Variants in EPC1 observed in about 807,000 individuals in gnomAD.
EPC1 encodes enhancer of polycomb 1, also known as enhancer of polycomb homolog 1.
EPC1 carries 12 observed loss-of-function variants against 98.4 expected under a neutral mutation model. The observed-to-expected ratio is 0.12, with a 90% confidence interval of 0.08 to 0.20. EPC1 has a LOEUF of 0.20. Ranked by LOEUF, EPC1 falls within the 10% of genes least tolerant of loss-of-function variation. The pLI, the probability that EPC1 is intolerant of heterozygous loss-of-function variation, is 1.00. For missense variants in EPC1, 729 were observed against 990.5 expected, an observed-to-expected ratio of 0.74 and a Z score of 3.54; for synonymous variants, 357 against 363.9, an observed-to-expected ratio of 0.98 and a Z score of 0.21.
chr10:32,326,275 T>A (rs1242921792), intron 1 of EPC1, among the ~76,000 whole-genome samples: 1 of 152,168 alleles, frequency 6.6e-6, no homozygotes, highest in Non-Finnish European at 1.5e-5. Flanking sequence ...GTTAGGTGCC[T>A]AATTCTGGCC....
At chr10:32,343,706 G>T (rs1360988606) in intron 1 of EPC1, among the ~76,000 whole-genome samples, 2 of 147,658 alleles carry the variant, frequency 1.4e-5, no homozygotes, top group Non-Finnish European at 3.0e-5. Flanking sequence ...GGGGGGGGGT[G>T]TAAGGGCTTC....
intron 1 of EPC1, among the ~76,000 whole-genome samples, chr10:32,322,428 G>A (rs1044816078): frequency 6.6e-6 from 1 of 152,116 alleles, no homozygotes; most frequent in Non-Finnish European, 1.5e-5. Context: ...AAAGAAGTCA[G>A]AAGATAACTA....
intron 1 of EPC1, among the ~76,000 whole-genome samples, chr10:32,346,217 G>A (rs1340822401): frequency 6.6e-6 from 1 of 152,210 alleles, no homozygotes; most frequent in Non-Finnish European, 1.5e-5. Context: ...GGCTCCACGT[G>A]GGGGCTGCAC....
chr10:32,282,542 T>C (rs927305172), intron 10 of EPC1: 1 of 152,062 alleles, frequency 6.6e-6, no homozygotes, highest in African/African-American at 2.4e-5. Flanking sequence ...AATAGTTGTA[T>C]CGCATATATG....
At chr10:32,347,314 C>T (rs575367225), upstream of EPC1, 32 of 579,484 alleles carry the variant, frequency 5.5e-5, no homozygotes, top group South Asian at 2.2e-3. Context: ...TCCCGCGCCT[C>T]GCTGCTCCGG....
At chr10:32,359,076 C>T (rs1839366180) in intron 1 of EPC1, among the ~76,000 whole-genome samples, 1 of 152,160 alleles carries the variant, frequency 6.6e-6, no homozygotes, top group Non-Finnish European at 1.5e-5. Context: ...TTTCTGTACA[C>T]TGTTAATTAT....
intron 1 of EPC1, among the ~76,000 whole-genome samples, chr10:32,341,112 A>G (rs1838315201): frequency 6.6e-6 from 1 of 152,208 alleles, no homozygotes; most frequent in African/African-American, 2.4e-5. Context: ...TCTTCTTCTA[A>G]GAAGTACAAT....
chr10:32,274,765 AAAAAT>A (rs1327310200), intron 10 of EPC1, among the ~76,000 whole-genome samples: 1 of 152,210 alleles, frequency 6.6e-6, no homozygotes, highest in African/African-American at 2.4e-5. Context: ...ATATTGACAT[AAAAAT>A]AACTGTCAAC....
chr10:32,313,981 G>A lies in EPC1; in HGVS notation c.154-8050C>T, dbSNP rs762965466. Among the ~76,000 whole-genome samples the A allele has an allele frequency of 2.0e-5, 3 of 151,872 alleles. No homozygotes were observed. In the East Asian group the frequency reaches 5.8e-4, roughly 29 times the overall value. ...CTTACTATTTATAACATGCTGGATG[G>A]GTAAAATTTCTTTAATTATAAAATA... is the stretch of plus-strand genomic sequence containing the variant. On this transcript the variant is annotated intron_variant, in intron 1 of 13. Transcript: ENST00000319778.
chr10:32,365,148 T>A (rs1839563424), intron 1 of EPC1, among the ~76,000 whole-genome samples: 1 of 152,194 alleles, frequency 6.6e-6, no homozygotes, highest in African/African-American at 2.4e-5. Flanking sequence ...TTGGTGACAC[T>A]TGACGCTTAA....
intron 2 of EPC1, among the ~76,000 whole-genome samples, chr10:32,294,533 G>A (rs1835032597): frequency 2.0e-5 from 3 of 152,274 alleles, no homozygotes; most frequent in South Asian, 4.1e-4. Context: ...TCGAACTGCG[G>A]AGCATTTCAG....
intron 10 of EPC1, among the ~76,000 whole-genome samples, chr10:32,281,446 G>C (rs1332090166): frequency 6.6e-6 from 1 of 152,138 alleles, no homozygotes; most frequent in African/African-American, 2.4e-5. Flanking sequence ...AGTCTGGTTT[G>C]TATGTGGGGG....
chr10:32,375,489 T>C (rs926825278), intron 1 of EPC1, among the ~76,000 whole-genome samples: 4 of 152,114 alleles, frequency 2.6e-5, no homozygotes, highest in Admixed American at 1.3e-4. Context: ...TGTCTTAATA[T>C]AATTTTCAGT....
chr10:32,298,892 G>C (rs1362534248), intron 2 of EPC1, among the ~76,000 whole-genome samples: 1 of 152,122 alleles, frequency 6.6e-6, no homozygotes, highest in African/African-American at 2.4e-5. Context: ...AGAGCACAAA[G>C]ACAGGATATC....
At chr10:32,331,419 C>T (rs1265647287) in intron 1 of EPC1, among the ~76,000 whole-genome samples, 1 of 151,156 alleles carries the variant, frequency 6.6e-6, no homozygotes, top group African/African-American at 2.4e-5. Flanking sequence ...CTAAAATCTT[C>T]ATTTTCAAAA....
intron 10 of EPC1, among the ~76,000 whole-genome samples, chr10:32,280,762 A>ATGAT (rs148181802): frequency 0.1 from 15,840 of 152,106 alleles, 910 homozygotes; most frequent in Non-Finnish European, 0.13. Context: ...CATAAAAACA[A>ATGAT]TGAATAATCA....
At chr10:32,269,342 C>T in intron 13 of EPC1, 1 of 454,966 alleles carries the variant, frequency 2.2e-6, no homozygotes, top group South Asian at 2.8e-5. Context: ...CCACAGTCAA[C>T]TACATTACCA....
chr10:32,287,048 C>T lies in EPC1; in HGVS notation c.1153-33G>A, dbSNP rs370688821. 2.7e-5 allele frequency: 43 copies of T among 1,613,326 alleles called. No homozygotes were observed. In the Middle Eastern group the frequency reaches 4.9e-4, roughly 19 times the overall value. ...TGAAATAAAGAAAGTAGGTCAGATA[C>T]GTGACTTCCTACATCCCTCCTCAAT... On this transcript the variant is annotated intron_variant, in intron 7 of 13. Transcript: ENST00000319778.
At chr10:32,326,961 T>C (rs996867777) in intron 1 of EPC1, among the ~76,000 whole-genome samples, 4 of 119,662 alleles carry the variant, frequency 3.3e-5, no homozygotes, top group African/African-American at 1.4e-4. Context: ...CGTAAATCAG[T>C]ACAGCCATTA....
Sources: gnomAD v4.1 joint callset for allele counts (sites outside exome capture counted in the v4.1 genomes callset) on GRCh38, gnomAD v4.1.1 for gene constraint, MANE v1.5 for transcripts, NCBI Gene and HGNC (gene_info 2026-07-23, HGNC 2026-07-21) for gene names.